Variants in RNF207 observed in about 807,000 individuals in gnomAD.
The protein encoded by RNF207 is ring finger protein 207.
Under a neutral mutation model 79.0 loss-of-function variants are expected in RNF207, and 72 were observed. The ratio of observed to expected loss-of-function variants is 0.91; its 90% CI spans 0.75 to 1.11. RNF207 has a LOEUF of 1.11. RNF207 is among the 50% of genes least tolerant of loss of function. RNF207 has a pLI of 0.00. For synonymous variants in RNF207, 348 were observed against 366.2 expected, an observed-to-expected ratio of 0.95 and a Z score of 0.57; for missense variants, 936 against 855.8, an observed-to-expected ratio of 1.09 and a Z score of -1.17.
chr1:6,209,591 A>C, intron 7 of RNF207, 52 bp downstream of exon 7: 1 of 1,419,990 alleles, frequency 7.0e-7, no homozygotes, highest in Non-Finnish European at 9.1e-7. Flanking sequence ...CTGGTGACAC[A>C]GGGCTGGTCC....
Position 6,212,207 on chromosome 1 carries a change from C to T in RNF207, c.1297-24C>T, listed in dbSNP as rs762236302. ...TAAAAACAGCCTAGGGTGACCCACG[C>T]TCTCACACAGCCTCTCTGTGCAGCA... On this transcript the variant is annotated intron_variant, in intron 13 of 17. Transcript: ENST00000377939. The T allele has an allele frequency of 2.1e-5, 33 of 1,602,384 alleles. 1 individual carries two copies. Among genetic ancestry groups the T allele is most frequent in the South Asian group, 2.0e-4 (18 of 89,414 alleles).
intron 16 of RNF207, among the ~76,000 whole-genome samples, chr1:6,214,519 C>T (rs1312187046): frequency 2.6e-5 from 4 of 151,938 alleles, no homozygotes; most frequent in Admixed American, 2.0e-4. Flanking sequence ...TCTCCTGCCT[C>T]AGCCTCCCAA....
At position 6,216,372 on chromosome 1, in the gene RNF207, G is replaced by A. The variant is rs79854964; in HGVS notation, c.1653-1917G>A. Among the ~76,000 whole-genome samples, 1,401 of 152,246 alleles carry A rather than the reference G, an allele frequency of 9.2e-3. 14 individuals carry two copies. The highest frequency in any genetic ancestry group is 0.031 in the African/African-American group (1,278 of 41,530). On this transcript the variant is annotated intron_variant, in intron 16 of 17. Coordinates refer to ENST00000377939, the MANE Select transcript of RNF207 (RefSeq NM_207396.3). The stretch of plus-strand genomic sequence containing the variant: ...TGGAGGTTTCGGGCAAGGTGGGGCC[G>A]GCTCTGCTCCTCTTCAGAGCAGCCA...
intron 16 of RNF207, among the ~76,000 whole-genome samples, chr1:6,215,087 G>A (rs1319679706): frequency 1.3e-5 from 2 of 150,144 alleles, no homozygotes; most frequent in Non-Finnish European, 3.0e-5. Context: ...GGAGTGCAAT[G>A]ATGTGATCTT....
intron 14 of RNF207, 89 bp from the exon 15 acceptor site, chr1:6,212,593 C>A: frequency 7.6e-7 from 1 of 1,319,808 alleles, no homozygotes; most frequent in Non-Finnish European, 1.1e-6. Flanking sequence ...CTGGGGGGTG[C>A]TTTGTAGATC....
chr1:6,212,077 A>AG (rs753591875), intron 13 of RNF207, 24 bp downstream of exon 13: 7 of 1,469,876 alleles, frequency 4.8e-6, no homozygotes, highest in Middle Eastern at 1.9e-4. Flanking sequence ...GATCTGCCGG[A>AG]GGGGGGAGAT....
chr1:6,210,183 C>A, intron 8 of RNF207, 40 bp from the exon 9 acceptor site: 1 of 1,562,572 alleles, frequency 6.4e-7, no homozygotes, highest in Non-Finnish European at 8.8e-7. Context: ...CCCGGCCCTG[C>A]TCCTGGCCCC....
intron 16 of RNF207, among the ~76,000 whole-genome samples, chr1:6,214,171 G>T (rs987417552): frequency 1.3e-5 from 2 of 152,144 alleles, no homozygotes; most frequent in Non-Finnish European, 1.5e-5. Flanking sequence ...TCGCTCTCTC[G>T]CTTTCTTATT....
intron 16 of RNF207, among the ~76,000 whole-genome samples, chr1:6,216,617 G>A (rs1158516732): frequency 6.7e-6 from 1 of 150,354 alleles, no homozygotes; most frequent in Non-Finnish European, 1.5e-5. Flanking sequence ...CTGGAGTGCA[G>A]TGGCGTGATC....
In RNF207 at chr1:6,212,064, A is replaced by G. The variant is rs778880958; in HGVS notation, c.1296+11A>G. 1.3e-6 allele frequency: 2 copies of G among 1,585,088 alleles called. No homozygotes were observed. Among genetic ancestry groups the G allele is most frequent in the Non-Finnish European group, 1.7e-6 (2 of 1,165,536 alleles). ...GAGGACTCCTACCGGGTGAGGGGGC[A>G]GGGATCTGCCGGAGGGGGGAGATGT... On this transcript the variant is annotated intron_variant, in intron 13 of 17. Coordinates refer to ENST00000377939, the MANE Select transcript of RNF207 (RefSeq NM_207396.3).
chr1:6,215,798 G>T (rs1332215249), intron 16 of RNF207, among the ~76,000 whole-genome samples: 1 of 152,200 alleles, frequency 6.6e-6, no homozygotes, highest in African/African-American at 2.4e-5. Flanking sequence ...GAGTAGCTGG[G>T]ATTACAGGTG....
At position 6,209,032 on chromosome 1, in the gene RNF207, G is replaced by A. The variant is rs973764885; in HGVS notation, c.469+7G>A. 8 of 1,541,764 alleles carry A rather than the reference G, an allele frequency of 5.2e-6. No homozygotes were observed. In the African/African-American group the frequency reaches 9.6e-5, roughly 19 times the overall value. On this transcript the variant is annotated splice_region_variant and intron_variant, in intron 4 of 17. Coordinates refer to ENST00000377939, the MANE Select transcript of RNF207 (RefSeq NM_207396.3). The stretch of plus-strand genomic sequence containing the variant: ...GACGTGCCCCAGAAGTGCAGTGAGT[G>A]AGGCTTGCGGGGCCGGGGACTTGGG...
chr1:6,212,789 T>G, intron 15 of RNF207, 56 bp downstream of exon 15: 1 of 1,409,416 alleles, frequency 7.1e-7, no homozygotes, highest in Middle Eastern at 1.8e-4. Context: ...ACCCACATAC[T>G]AGCAGAGGAG....
In RNF207 at chr1:6,208,956, G is replaced by T; in HGVS notation, c.400G>T (p.Ala134Ser). 6.5e-7 allele frequency: 1 copy of T among 1,536,210 alleles called. No homozygotes were observed. The highest frequency in any genetic ancestry group is 8.7e-7 in the Non-Finnish European group (1 of 1,145,712). ...GCGCTGCCGCGACGAGACGCACCGAGCACGCATGTTCGCGCGCCACGACAT... is the reference window on the plus strand; with the variant it reads ...GCGCTGCCGCGACGAGACGCACCGATCACGCATGTTCGCGCGCCACGACAT... ...CARCRDETHR[A>S]RMFARHDIVA... Residue 134 changes from alanine (A) to serine (S), a missense_variant, in exon 4 of 18, where the codon GCA becomes TCA. Coordinates refer to ENST00000377939, the MANE Select transcript of RNF207 (RefSeq NM_207396.3).
At chr1:6,219,201 G>T in intron 17 of RNF207, 35 bp from the exon 18 acceptor site, 1 of 1,558,854 alleles carries the variant, frequency 6.4e-7, no homozygotes, top group East Asian at 2.3e-5. Flanking sequence ...TGAAATGGGG[G>T]AGCGGGCTGG....
chr1:6,209,359 T>C lies in RNF207; in HGVS notation c.627+16T>C, dbSNP rs1224365531. 1.3e-5 allele frequency: 20 copies of C among 1,533,432 alleles called. No homozygotes were observed. The highest frequency in any genetic ancestry group is 1.3e-5 in the Non-Finnish European group (15 of 1,142,984). The allele number at this position is 1,533,432 out of a possible 1,614,324, so 95.0% of individuals were successfully genotyped here. A position where few individuals can be genotyped will look rare whatever the true frequency, so the allele number is the denominator to read the frequency against. On this transcript the variant is annotated intron_variant, in intron 6 of 17. Coordinates refer to ENST00000377939, the MANE Select transcript of RNF207 (RefSeq NM_207396.3). ...GGCGGTGCTGGTGAGCGCAGGGGCCTGGCGCGCGGGGCCGCGCGGCGGCGA... is the reference window on the plus strand; with the variant it reads ...GGCGGTGCTGGTGAGCGCAGGGGCCCGGCGCGCGGGGCCGCGCGGCGGCGA...
rs1395758322 is a variant in RNF207 at position 6,209,345 on chromosome 1, T to G, written c.627+2T>G. On this transcript the variant is annotated splice_donor_variant, in intron 6 of 17. Transcript: ENST00000377939. LOFTEE classifies it high-confidence loss of function. ...GAGCGGCTGGAGCAGGCGGTGCTGG[T>G]GAGCGCAGGGGCCTGGCGCGCGGGG... The G allele has an allele frequency of 3.2e-6, 5 of 1,542,816 alleles. No individual in the cohort carries two copies. Among genetic ancestry groups the G allele is most frequent in the South Asian group, 1.2e-5 (1 of 83,914 alleles).
chr1:6,210,861 C>A lies in RNF207; in HGVS notation c.943-9C>A. On this transcript the variant is annotated splice_polypyrimidine_tract_variant and intron_variant, in intron 10 of 17. Transcript: ENST00000377939. The stretch of plus-strand genomic sequence containing the variant: ...CTCCACCGGCCTGAGGCCCTCCTCA[C>A]TGCCACAGGAGCTGATGGAGAGGCT... The A allele has an allele frequency of 6.3e-7, 1 of 1,592,360 alleles. No individual in the cohort carries two copies. Among genetic ancestry groups the A allele is most frequent in the Middle Eastern group, 1.7e-4 (1 of 5,828 alleles).
In RNF207 at chr1:6,210,441, G is replaced by T. The variant is rs781057118; in HGVS notation, c.942+3G>T. The stretch of plus-strand genomic sequence containing the variant: ...CTGAGTTCCTGGACCTGGGCTATGT[G>T]AGTCTCCTCTGCTCCTGCAGATGCC... On this transcript the variant is annotated splice_donor_region_variant and intron_variant, in intron 10 of 17. Coordinates refer to ENST00000377939, the MANE Select transcript of RNF207 (RefSeq NM_207396.3). The T allele has an allele frequency of 1.2e-6, 2 of 1,612,076 alleles. No individual in the cohort carries two copies. Among genetic ancestry groups the T allele is most frequent in the East Asian group, 2.2e-5 (1 of 44,856 alleles).
Sources: allele counts gnomAD v4.1 joint callset (sites outside exome capture counted in the v4.1 genomes callset), GRCh38; gene constraint gnomAD v4.1.1; transcripts MANE v1.5; gene names NCBI Gene and HGNC (gene_info 2026-07-23, HGNC 2026-07-21).